ANKRD44: variants seen among roughly 807,000 people sequenced by gnomAD.
ANKRD44 encodes ankyrin repeat domain 44.
In ANKRD44, 35 loss-of-function variants were observed where a neutral mutation model predicts 116.0. The ratio of observed to expected loss-of-function variants is 0.30; its 90% CI spans 0.23 to 0.40. The LOEUF is 0.40. Ranked by LOEUF, ANKRD44 falls within the 10% of genes least tolerant of loss-of-function variation. ANKRD44 has a pLI of 1.00. For missense variants in ANKRD44, 1,014 were observed against 1,242.6 expected (o/e 0.82, Z 2.77); for synonymous variants, 435 against 461.8 (o/e 0.94, Z 0.74).
At chr2:197,020,990 C>G (rs1574291037) in intron 17 of ANKRD44, among the ~76,000 whole-genome samples, 1 of 152,060 alleles carries the variant, frequency 6.6e-6, no homozygotes, top group South Asian at 2.1e-4. Context: ...ATGTTCCCTG[C>G]CCTGTGTCCA....
At chr2:196,977,231 A>T (rs1447889933) in intron 21 of ANKRD44, among the ~76,000 whole-genome samples, 1 of 152,210 alleles carries the variant, frequency 6.6e-6, no homozygotes, top group Non-Finnish European at 1.5e-5. Context: ...TACTGTTAAA[A>T]TGGCAATACT....
At chr2:197,029,450 T>A (rs1422250009) in intron 16 of ANKRD44, 1 of 391,094 alleles carries the variant, frequency 2.6e-6, no homozygotes, top group Non-Finnish European at 5.0e-6. Context: ...GTGTTGCTTA[T>A]CTTATGCATG....
intron 1 of ANKRD44, among the ~76,000 whole-genome samples, chr2:197,238,654 G>A (rs2082024923): frequency 1.3e-5 from 2 of 151,972 alleles, no homozygotes; most frequent in South Asian, 4.2e-4. Context: ...AGTTACCCAG[G>A]ACTGGTATGG....
intron 16 of ANKRD44, among the ~76,000 whole-genome samples, chr2:197,032,420 G>A (rs969474341): frequency 5.7e-5 from 8 of 140,916 alleles, no homozygotes; most frequent in Admixed American, 1.5e-4. Context: ...ATGAAGTCTC[G>A]CTCTGTTGCC....
chr2:197,273,022 T>C lies in ANKRD44; in HGVS notation c.27+37556A>G, dbSNP rs530435986. Among the ~76,000 whole-genome samples, 7 of 152,362 alleles carry C rather than the reference T, an allele frequency of 4.6e-5. 1 individual carries two copies. In the South Asian group the frequency reaches 1.0e-3, roughly 23 times the overall value. On this transcript the variant is annotated intron_variant, in intron 1 of 27. Transcript: ENST00000282272. ...AGGTATTTGATTGATTAAATACACA[T>C]TAACTTAGATTTTGCTATTTTCTTT...
intron 1 of ANKRD44, among the ~76,000 whole-genome samples, chr2:197,281,937 C>T (rs1456181481): frequency 3.3e-5 from 5 of 152,192 alleles, no homozygotes; most frequent in South Asian, 4.1e-4. Context: ...TCTGAAGCCA[C>T]GTAAGATGAT....
intron 1 of ANKRD44, among the ~76,000 whole-genome samples, chr2:197,278,095 T>A (rs964617083): frequency 6.6e-6 from 1 of 151,948 alleles, no homozygotes; most frequent in African/African-American, 2.4e-5. Flanking sequence ...AGGCAGCAAA[T>A]TAGCTAATAG....
chr2:196,982,474 G>A (rs575422368), downstream of ANKRD44, among the ~76,000 whole-genome samples: 204 of 152,054 alleles, frequency 1.3e-3, 1 homozygote, highest in African/African-American at 4.8e-3. Context: ...CCCAACAAAG[G>A]CTCCTTGACT....
At chr2:197,206,459 G>A (rs2081208510) in intron 1 of ANKRD44, among the ~76,000 whole-genome samples, 1 of 152,126 alleles carries the variant, frequency 6.6e-6, no homozygotes, top group Non-Finnish European at 1.5e-5. Flanking sequence ...AGAGGTGGGC[G>A]GATCACCTGA....
intron 2 of ANKRD44, among the ~76,000 whole-genome samples, chr2:197,156,341 G>A (rs1450315518): frequency 6.8e-5 from 10 of 146,758 alleles, no homozygotes; most frequent in South Asian, 2.1e-4. Context: ...GCGAGACTCC[G>A]TCTCAAAAAA....
chr2:197,082,756 T>G (rs757361148), intron 14 of ANKRD44, among the ~76,000 whole-genome samples: 4 of 152,230 alleles, frequency 2.6e-5, no homozygotes, highest in Non-Finnish European at 5.9e-5. Context: ...AAGCCCTTCC[T>G]TAAGCTTCTA....
At chr2:197,189,488 G>A (rs1223648924) in intron 1 of ANKRD44, among the ~76,000 whole-genome samples, 1 of 152,158 alleles carries the variant, frequency 6.6e-6, no homozygotes, top group Non-Finnish European at 1.5e-5. Context: ...TGCTAACCAA[G>A]TCTCCGTTCG....
intron 1 of ANKRD44, among the ~76,000 whole-genome samples, chr2:197,245,406 T>G (rs140850486): frequency 0.032 from 4,805 of 152,294 alleles, 99 homozygotes; most frequent in South Asian, 0.067. Flanking sequence ...CGACACCATT[T>G]TATGTCAGGG....
intron 3 of ANKRD44, among the ~76,000 whole-genome samples, chr2:197,145,198 G>A (rs1295923962): frequency 6.6e-6 from 1 of 152,170 alleles, no homozygotes; most frequent in African/African-American, 2.4e-5. Context: ...GGCTGAGGCA[G>A]AAGAATCGCT....
chr2:197,105,822 T>C (rs976659071), intron 9 of ANKRD44, among the ~76,000 whole-genome samples: 7 of 152,178 alleles, frequency 4.6e-5, no homozygotes, highest in African/African-American at 1.7e-4. Flanking sequence ...CACGTATCCA[T>C]ATCAGAGCTG....
At chr2:197,044,200 C>T (rs1458452941) in intron 16 of ANKRD44, among the ~76,000 whole-genome samples, 5 of 152,134 alleles carry the variant, frequency 3.3e-5, no homozygotes, top group African/African-American at 1.2e-4. Context: ...CAGAATTTGT[C>T]TTATGATGCC....
intron 21 of ANKRD44, among the ~76,000 whole-genome samples, chr2:196,968,438 G>A (rs1254180887): frequency 6.6e-6 from 1 of 152,134 alleles, no homozygotes; most frequent in Non-Finnish European, 1.5e-5. Flanking sequence ...GTATAATACA[G>A]TGACTACCAG....
chr2:197,129,625 T>C (rs2079054275), intron 4 of ANKRD44, among the ~76,000 whole-genome samples: 1 of 152,160 alleles, frequency 6.6e-6, no homozygotes, highest in South Asian at 2.1e-4. Flanking sequence ...ATATGGGAGG[T>C]AACTGGACAT....
chr2:197,007,393 T>C (rs73066855), intron 20 of ANKRD44, among the ~76,000 whole-genome samples: 7,034 of 152,234 alleles, frequency 0.046, 487 homozygotes, highest in African/African-American at 0.15. Context: ...AGAAAAAAGA[T>C]TGGAGATAAT....
Sources: allele counts gnomAD v4.1 joint callset (sites outside exome capture counted in the v4.1 genomes callset), GRCh38; gene constraint gnomAD v4.1.1; transcripts MANE v1.5; gene names NCBI Gene and HGNC (gene_info 2026-07-23, HGNC 2026-07-21).